The following INPP5F variants were observed in gnomAD, a reference collection of about 807,000 sequenced individuals.
INPP5F encodes inositol polyphosphate-5-phosphatase F.
INPP5F carries 97 observed loss-of-function variants against 137.2 expected under a neutral mutation model. That is an observed-to-expected ratio of 0.71 (90% CI 0.60 to 0.84). INPP5F has a LOEUF of 0.84. Ranked by LOEUF, INPP5F falls within the 40% of genes least tolerant of loss-of-function variation. The pLI is 0.00. For synonymous variants in INPP5F, 504 were observed against 476.9 expected (o/e 1.06, Z -0.74); for missense variants, 1,271 against 1,371.9 (o/e 0.93, Z 1.16).
intron 3 of INPP5F, among the ~76,000 whole-genome samples, chr10:119,785,570 G>GAGAGAC (rs1849874381): frequency 3.3e-5 from 5 of 151,542 alleles, no homozygotes; most frequent in Admixed American, 2.6e-4. Context: ...GAGAGAGAGA[G>GAGAGAC]AGAGAGAGAC....
chr10:119,770,937 A>T (rs923586150), intron 2 of INPP5F, among the ~76,000 whole-genome samples: 2 of 152,200 alleles, frequency 1.3e-5, no homozygotes, highest in Non-Finnish European at 2.9e-5. Flanking sequence ...AAATAAATAA[A>T]AAACTTGAGA....
intron 3 of INPP5F, among the ~76,000 whole-genome samples, chr10:119,786,661 G>A (rs1849928453): frequency 6.6e-6 from 1 of 151,844 alleles, no homozygotes; most frequent in East Asian, 1.9e-4. Flanking sequence ...ACAGGCATGT[G>A]CCACCACCCC....
chr10:119,819,317 G>T, intron 15 of INPP5F: 2 of 446,160 alleles, frequency 4.5e-6, no homozygotes, highest in Non-Finnish European at 3.2e-6. Flanking sequence ...GGGGGTGGGG[G>T]GAGGGTTGAC....
Position 119,784,551 on chromosome 10 carries a change from G to C in INPP5F, c.315+2780G>C, listed in dbSNP as rs926120233. 5.9e-5 allele frequency among the ~76,000 whole-genome samples: 9 copies of C among 152,252 alleles called. No individual in the cohort carries two copies. The East Asian group carries it at 1.7e-3, about 29-fold the overall frequency. On this transcript the variant is annotated intron_variant, in intron 3 of 19. Coordinates refer to ENST00000650623, the MANE Select transcript of INPP5F (RefSeq NM_014937.4). ...TAATGTGGTCACTGTTCCCAGATTT[G>C]CTAAAGCCTAAGTCTGTGTTCTGTA...
In INPP5F at chr10:119,797,611, G is replaced by A. The variant is rs780758452; in HGVS notation, c.1019G>A (p.Arg340Gln). 3 of 1,612,752 alleles carry A rather than the reference G, an allele frequency of 1.9e-6. No homozygotes were observed. The highest frequency in any genetic ancestry group is 2.2e-5 in the East Asian group (1 of 44,872). ...GTCTTTTGGAGCCAGGTTGGGTATC[G>A]ATATAACCCAAGACCGCGGCTGGAC... The part of the protein sequence containing the change: ...VPVFWSQVGY[R>Q]YNPRPRLDRS... The change falls in exon 8 of 20, where the codon CGA becomes CAA. Residue 340 changes from arginine (R) to glutamine (Q), a missense_variant. Coordinates refer to ENST00000650623, the MANE Select transcript of INPP5F (RefSeq NM_014937.4).
intron 15 of INPP5F, among the ~76,000 whole-genome samples, chr10:119,814,795 C>CACT (rs1280540794): frequency 6.6e-6 from 1 of 152,222 alleles, no homozygotes; most frequent in Non-Finnish European, 1.5e-5. Context: ...GCAGCTGCCC[C>CACT]ACTGTGGGTC....
chr10:119,791,392 T>C, intron 3 of INPP5F, 125 bp from the exon 4 acceptor site: 1 of 736,740 alleles, frequency 1.4e-6, no homozygotes, highest in Non-Finnish European at 2.3e-6. Context: ...GTCTACTTGA[T>C]AATTTTTCTA....
Position 119,796,702 on chromosome 10 carries a change from AT to A in INPP5F, c.670-9del, listed in dbSNP as rs761649756. Reference sequence around the variant, plus strand: ...ACAGAATAGAAACGATATCATGTTCATTTTGTTTTCAGACTCCAGATGTGGA... The same window carrying A: ...ACAGAATAGAAACGATATCATGTTCATTTGTTTTCAGACTCCAGATGTGGA... On this transcript the variant is annotated splice_polypyrimidine_tract_variant and intron_variant, in intron 6 of 19. Coordinates refer to ENST00000650623, the MANE Select transcript of INPP5F (RefSeq NM_014937.4). The A allele has an allele frequency of 6.2e-7, 1 of 1,605,344 alleles. No homozygotes were observed.
chr10:119,754,006 T>G (rs1848764609), intron 2 of INPP5F, among the ~76,000 whole-genome samples: 1 of 152,182 alleles, frequency 6.6e-6, no homozygotes, highest in Admixed American at 6.5e-5. Context: ...TCTGTTTGTG[T>G]GTATGTAGGT....
intron 9 of INPP5F, 43 bp downstream of exon 9, chr10:119,798,653 G>A (rs755589730): frequency 1.5e-6 from 2 of 1,357,764 alleles, no homozygotes; most frequent in South Asian, 2.5e-5. Context: ...TTCATCTTTA[G>A]AAATAACTTT....
At chr10:119,824,345 A>G (rs1851681267) in intron 19 of INPP5F, among the ~76,000 whole-genome samples, 1 of 152,118 alleles carries the variant, frequency 6.6e-6, no homozygotes, top group African/African-American at 2.4e-5. Flanking sequence ...TATTTCCTCA[A>G]TCTTGTCTTT....
chr10:119,820,730 C>A, intron 15 of INPP5F, 116 bp from the exon 16 acceptor site: 1 of 722,872 alleles, frequency 1.4e-6, no homozygotes, highest in Non-Finnish European at 2.5e-6. Flanking sequence ...TTACCTTCTT[C>A]TTTTCCCTCC....
At position 119,774,277 on chromosome 10, in the gene INPP5F, A is replaced by C. The variant is rs866333787; in HGVS notation, c.179-7358A>C. On this transcript the variant is annotated intron_variant, in intron 2 of 19. Transcript: ENST00000650623. ...CTCAGTCTCCAAAAAAAAAAAAAAA[A>C]AAAAAACTCCCTAGAAGTCCCATAA... Among the ~76,000 whole-genome samples, 1,509 of 151,296 alleles carry C rather than the reference A, an allele frequency of 1.0e-2. 37 individuals carry two copies. Among genetic ancestry groups the C allele is most frequent in the African/African-American group, 0.035 (1,449 of 41,154 alleles).
Position 119,827,274 on chromosome 10 carries a change from C to T in INPP5F, c.2893C>T (p.Gln965Ter), listed in dbSNP as rs1211604999. 1.2e-6 allele frequency: 2 copies of T among 1,614,112 alleles called. No individual in the cohort carries two copies. Among genetic ancestry groups the T allele is most frequent in the East Asian group, 2.2e-5 (1 of 44,878 alleles). ...PMDIYCHRFV[Q>*]DAQNKVTHLS... Reference sequence around the variant, plus strand: ...GGATATTTACTGCCACAGATTTGTGCAAGATGCACAGAACAAAGTGACCCA... The same window carrying T: ...GGATATTTACTGCCACAGATTTGTGTAAGATGCACAGAACAAAGTGACCCA... The change falls in exon 20 of 20, where the codon CAA becomes TAA. Residue 965 changes from glutamine to a stop codon, truncating the protein, a stop_gained. Coordinates refer to ENST00000650623, the MANE Select transcript of INPP5F (RefSeq NM_014937.4). LOFTEE classifies it high-confidence loss of function.
intron 2 of INPP5F, among the ~76,000 whole-genome samples, chr10:119,754,628 G>A (rs529051004): frequency 1.3e-5 from 2 of 152,032 alleles, no homozygotes; most frequent in East Asian, 1.9e-4. Flanking sequence ...TCACTTGAAC[G>A]GTTTGGCTCT....
chr10:119,799,040 A>T (rs537387634), intron 9 of INPP5F, among the ~76,000 whole-genome samples: 3 of 152,318 alleles, frequency 2.0e-5, no homozygotes, highest in African/African-American at 4.8e-5. Flanking sequence ...GTCATGTCTC[A>T]GTACCACCTA....
In INPP5F at chr10:119,805,437, T is replaced by C. The variant is rs200599769; in HGVS notation, c.1295T>C (p.Ile432Thr). ...ACACTAACAGATGCCATTTATGACA[T>C]TATTCTTGATATGAAGTGGTGTTGG... ...VQTLTDAIYDIILDMKWCWVD... is the reference protein window; with the variant it reads ...VQTLTDAIYDTILDMKWCWVD... The change falls in exon 11 of 20, where the codon ATT (isoleucine) becomes ACT (threonine). Residue 432 changes from isoleucine to threonine, a missense_variant. By Grantham distance (89) the Ile-to-Thr change is moderately conservative (BLOSUM62 -1). Coordinates refer to ENST00000650623, the MANE Select transcript of INPP5F (RefSeq NM_014937.4). The C allele has an allele frequency of 1.4e-5, 22 of 1,611,884 alleles. No homozygotes were observed. Among genetic ancestry groups the C allele is most frequent in the Non-Finnish European group, 1.7e-5 (20 of 1,178,052 alleles).
rs1848682898 is a variant in INPP5F, at chr10:119,751,279, C to A, written c.178+123C>A. Reference sequence around the variant, plus strand: ...TTCCTTTGTTTTAATTTTGGGTCTGCTCAAAGTGGGTGTATAATGAGCGAA... The same window carrying A: ...TTCCTTTGTTTTAATTTTGGGTCTGATCAAAGTGGGTGTATAATGAGCGAA... On this transcript the variant is annotated intron_variant, in intron 2 of 19. Transcript: ENST00000650623. 7.2e-6 allele frequency: 5 copies of A among 698,140 alleles called. No individual in the cohort carries two copies. In the Admixed American group the frequency reaches 1.1e-4, roughly 16 times the overall value. The allele number at this position is 698,140 out of a possible 1,614,324, so 43.2% of individuals were successfully genotyped here.
At chr10:119,753,792 A>G (rs1848755876) in intron 2 of INPP5F, among the ~76,000 whole-genome samples, 1 of 152,202 alleles carries the variant, frequency 6.6e-6, no homozygotes, top group Non-Finnish European at 1.5e-5. Context: ...GTAAATCACT[A>G]TTTTATCAAG....
Sources: allele counts gnomAD v4.1 joint callset (sites outside exome capture counted in the v4.1 genomes callset), GRCh38; gene constraint gnomAD v4.1.1; transcripts MANE v1.5; gene names NCBI Gene and HGNC (gene_info 2026-07-23, HGNC 2026-07-21).